PTCHD4: variants seen among roughly 807,000 people sequenced by gnomAD.
The protein encoded by PTCHD4 is patched domain-containing protein 4.
In PTCHD4, 33 loss-of-function variants were observed where a neutral mutation model predicts 58.1. The observed-to-expected ratio is 0.57, with a 90% CI of 0.43 to 0.76. The LOEUF (loss-of-function observed/expected upper bound fraction) is 0.76. Among genes scored for constraint, PTCHD4 ranks in the 30% least tolerant of loss-of-function variants. The pLI, the probability that PTCHD4 is intolerant of heterozygous loss-of-function variation, is 0.00. For synonymous variants in PTCHD4, 478 were observed against 409.6 expected (o/e 1.17, Z -2.02); for missense variants, 1,058 against 1,027.1 (o/e 1.03, Z -0.41).
Position 47,909,117 on chromosome 6 carries a change from C to T in PTCHD4, c.899-29181G>A, listed in dbSNP as rs544664795. ...TTCACACTAATATACAGGCTTAATGCTACTTTAGTCAGGAGGGTCAAAATA... is the reference window on the plus strand; with the variant it reads ...TTCACACTAATATACAGGCTTAATGTTACTTTAGTCAGGAGGGTCAAAATA... On this transcript the variant is annotated intron_variant, in intron 4 of 4. Coordinates refer to ENST00000339488, the MANE Select transcript of PTCHD4 (RefSeq NM_001384253.1). Among the ~76,000 whole-genome samples the T allele has an allele frequency of 5.6e-4, 85 of 152,150 alleles. 1 individual carries two copies. The South Asian group carries it at 0.016, about 29-fold the overall frequency.
At chr6:47,907,109 G>T (rs1764913411) in intron 4 of PTCHD4, among the ~76,000 whole-genome samples, 1 of 152,150 alleles carries the variant, frequency 6.6e-6, no homozygotes, top group South Asian at 2.1e-4. Flanking sequence ...CTTGGATGGA[G>T]CTACAAGTCT....
intron 4 of PTCHD4, among the ~76,000 whole-genome samples, chr6:47,992,564 T>G (rs1389623315): frequency 2.0e-5 from 3 of 152,222 alleles, no homozygotes; most frequent in Non-Finnish European, 4.4e-5. Flanking sequence ...TTATACAGTT[T>G]CTGCACTTAT....
chr6:48,074,363 C>T (rs1765024338), intron 1 of PTCHD4, among the ~76,000 whole-genome samples: 1 of 152,172 alleles, frequency 6.6e-6, no homozygotes, highest in African/African-American at 2.4e-5. Context: ...TCGGCCTTGC[C>T]CATGCCCACA....
chr6:48,025,275 G>T (rs1006359782), intron 3 of PTCHD4, among the ~76,000 whole-genome samples: 25 of 151,996 alleles, frequency 1.6e-4, no homozygotes, highest in African/African-American at 6.0e-4. Flanking sequence ...AAAGTGACAA[G>T]AAAAAATACA....
chr6:47,989,238 C>G (rs1284343297), intron 4 of PTCHD4, among the ~76,000 whole-genome samples: 1 of 152,112 alleles, frequency 6.6e-6, no homozygotes. Context: ...CAAGAGGTGA[C>G]TTGAGTGTTG....
At chr6:48,079,271 G>A (rs1395073536) in intron 1 of PTCHD4, among the ~76,000 whole-genome samples, 1 of 152,066 alleles carries the variant, frequency 6.6e-6, no homozygotes, top group African/African-American at 2.4e-5. Context: ...TAATTACCTT[G>A]CATAGTCGTA....
At chr6:48,095,544 G>A (rs1013751947) in intron 1 of PTCHD4, among the ~76,000 whole-genome samples, 3 of 151,982 alleles carry the variant, frequency 2.0e-5, no homozygotes, top group Non-Finnish European at 4.4e-5. Flanking sequence ...AATTAACCGG[G>A]TGTGGCGTGG....
chr6:47,950,037 C>G (rs1278284869), intron 4 of PTCHD4, among the ~76,000 whole-genome samples: 2 of 128,284 alleles, frequency 1.6e-5, no homozygotes, highest in Non-Finnish European at 3.3e-5. Flanking sequence ...CCCCTCCCCC[C>G]ACCCCACAAC....
At chr6:48,023,327 C>T (rs776833801) in intron 3 of PTCHD4, among the ~76,000 whole-genome samples, 1 of 152,058 alleles carries the variant, frequency 6.6e-6, no homozygotes, top group African/African-American at 2.4e-5. Flanking sequence ...GAAAATATGA[C>T]CGGATAACCC....
At position 47,879,354 on chromosome 6, in the gene PTCHD4, C is replaced by T. The variant is rs1265031992; in HGVS notation, c.1481G>A (p.Ser494Asn). ...GGCATAGGAAACACTTGGCGAATCACTGGCTAGTAGATTGATGATGTTGGC... is the reference window on the plus strand; with the variant it reads ...GGCATAGGAAACACTTGGCGAATCATTGGCTAGTAGATTGATGATGTTGGC... ...DGANIINLLA[S>N]DSPSVSYAMV... is the part of the protein sequence containing the mutation. The change falls in exon 5 of 5, where the codon AGT becomes AAT. Residue 494 changes from serine (S) to asparagine (N), a missense_variant. By Grantham distance (46) the Ser-to-Asn change is conservative (BLOSUM62 1). Transcript: ENST00000339488. 1.9e-6 allele frequency: 3 copies of T among 1,613,296 alleles called. No homozygotes were observed. The East Asian group carries it at 6.7e-5, about 36-fold the overall frequency.
chr6:48,057,589 G>A (rs1764458099), intron 3 of PTCHD4, among the ~76,000 whole-genome samples: 1 of 152,162 alleles, frequency 6.6e-6, no homozygotes, highest in African/African-American at 2.4e-5. Context: ...AAGCTCCATG[G>A]AAAAAGTGGC....
intron 1 of PTCHD4, among the ~76,000 whole-genome samples, chr6:48,106,037 T>C (rs2113917981): frequency 6.6e-6 from 1 of 152,282 alleles, no homozygotes; most frequent in African/African-American, 2.4e-5. Context: ...GAGGAGCTGG[T>C]ACCGTTCCTT....
intron 4 of PTCHD4, among the ~76,000 whole-genome samples, chr6:47,925,410 C>T (rs1765575910): frequency 6.6e-6 from 1 of 152,112 alleles, no homozygotes; most frequent in South Asian, 2.1e-4. Flanking sequence ...CTATCTGCAG[C>T]CATCTATAGA....
At chr6:48,052,659 A>G (rs1764273269) in intron 3 of PTCHD4, among the ~76,000 whole-genome samples, 1 of 152,094 alleles carries the variant, frequency 6.6e-6, no homozygotes, top group African/African-American at 2.4e-5. Context: ...TGGCATTGCA[A>G]AATATAAGGC....
At chr6:48,045,460 A>G (rs911945256) in intron 3 of PTCHD4, among the ~76,000 whole-genome samples, 5 of 151,758 alleles carry the variant, frequency 3.3e-5, no homozygotes, top group Admixed American at 2.6e-4. Context: ...CTTCTTTTTC[A>G]TAAGGTGACA....
At chr6:48,097,590 G>A (rs1164662145) in intron 1 of PTCHD4, among the ~76,000 whole-genome samples, 1 of 151,994 alleles carries the variant, frequency 6.6e-6, no homozygotes, top group Non-Finnish European at 1.5e-5. Context: ...AGTTCACTTT[G>A]GGTCTTTGAA....
In PTCHD4 at chr6:47,872,862, T is replaced by C. The variant is rs569448036; in HGVS notation, c.*5441A>G. ...ATATATTCTTAACCCTATATATTGC[T>C]CTTTTGAGTTGTTTTCCGTTTTATA... On this transcript the variant is annotated 3_prime_UTR_variant, in exon 5 of 5. Transcript: ENST00000339488. 1.2e-3 allele frequency among the ~76,000 whole-genome samples: 188 copies of C among 151,778 alleles called. No homozygotes were observed. Among genetic ancestry groups the C allele is most frequent in the Middle Eastern group, 3.4e-3 (1 of 294 alleles).
chr6:48,045,507 G>T (rs1351377573), intron 3 of PTCHD4, among the ~76,000 whole-genome samples: 1 of 151,678 alleles, frequency 6.6e-6, no homozygotes, highest in African/African-American at 2.4e-5. Flanking sequence ...AGACCTCTAT[G>T]GTTTTGTTGA....
chr6:48,061,249 G>C (rs554842660), intron 3 of PTCHD4, among the ~76,000 whole-genome samples: 1 of 152,010 alleles, frequency 6.6e-6, no homozygotes, highest in African/African-American at 2.4e-5. Context: ...AATTTCAACA[G>C]TTTTAGAAAA....
Sources: gnomAD v4.1 joint callset for allele counts (sites outside exome capture counted in the v4.1 genomes callset) on GRCh38, gnomAD v4.1.1 for gene constraint, MANE v1.5 for transcripts, NCBI Gene and HGNC (gene_info 2026-07-23, HGNC 2026-07-21) for gene names.